The following HS3ST4 variants were observed in gnomAD, a reference collection of about 807,000 sequenced individuals.
HS3ST4 encodes heparan sulfate glucosamine 3-O-sulfotransferase 4.
Under a neutral mutation model 29.2 loss-of-function variants are expected in HS3ST4, and 17 were observed. The ratio of observed to expected loss-of-function variants is 0.58; its 90% CI spans 0.40 to 0.87. The LOEUF (loss-of-function observed/expected upper bound fraction) is 0.87. Among genes scored for constraint, HS3ST4 ranks in the 40% least tolerant of loss-of-function variants. HS3ST4 has a pLI of 0.00. For synonymous variants in HS3ST4, 314 were observed against 285.7 expected (o/e 1.10, Z -1.00); for missense variants, 627 against 634.5 (o/e 0.99, Z 0.13).
intron 1 of HS3ST4, among the ~76,000 whole-genome samples, chr16:26,058,555 T>C (rs1470320050): frequency 6.6e-6 from 1 of 152,126 alleles, no homozygotes; most frequent in African/African-American, 2.4e-5. Flanking sequence ...TGGATTGTGC[T>C]CTCTCCTGCC....
At chr16:26,053,505 C>T (rs1898369973) in intron 1 of HS3ST4, among the ~76,000 whole-genome samples, 1 of 152,124 alleles carries the variant, frequency 6.6e-6, no homozygotes, top group Admixed American at 6.5e-5. Flanking sequence ...GAATTAAGTT[C>T]AGAATGAAGG....
intron 1 of HS3ST4, among the ~76,000 whole-genome samples, chr16:25,906,061 G>A (rs1383851700): frequency 6.6e-6 from 1 of 152,184 alleles, no homozygotes; most frequent in Admixed American, 6.5e-5. Flanking sequence ...TTTTAAAATT[G>A]AGTTGACGTT....
intron 1 of HS3ST4, among the ~76,000 whole-genome samples, chr16:25,706,986 G>A (rs1344358845): frequency 6.6e-6 from 1 of 152,120 alleles, no homozygotes; most frequent in East Asian, 1.9e-4. Flanking sequence ...GAGTAGTGTG[G>A]TGACATCTTG....
At chr16:26,106,936 G>C (rs1315872479) in intron 1 of HS3ST4, among the ~76,000 whole-genome samples, 2 of 152,118 alleles carry the variant, frequency 1.3e-5, no homozygotes, top group Admixed American at 1.3e-4. Context: ...ACATCAGCAT[G>C]TGCTGTTCAC....
At chr16:25,857,972 C>CTTTCTTTCTTTCTTTG (rs1221917032) in intron 1 of HS3ST4, among the ~76,000 whole-genome samples, 1 of 40,590 alleles carries the variant, frequency 2.5e-5, no homozygotes, top group Non-Finnish European at 4.4e-5. Context: ...TTCTTTCTTT[C>CTTTCTTTCTTTCTTTG]TCTTTTCTGT....
At chr16:25,756,130 ACACACACACACACACACACACACG>A (rs1025866879) in intron 1 of HS3ST4, among the ~76,000 whole-genome samples, 1 of 54,200 alleles carries the variant, frequency 1.8e-5, no homozygotes, top group African/African-American at 7.4e-5. Flanking sequence ...ACACACATAC[ACACACACACACACACACACACACG>A]CACACACACA....
intron 1 of HS3ST4, among the ~76,000 whole-genome samples, chr16:26,026,974 A>C (rs1729869503): frequency 6.6e-6 from 1 of 152,238 alleles, no homozygotes; most frequent in South Asian, 2.1e-4. Context: ...CATAGGACTC[A>C]TGATAGACCT....
At chr16:25,853,314 A>G (rs201788677) in intron 1 of HS3ST4, among the ~76,000 whole-genome samples, 1,496 of 42,836 alleles carry the variant, frequency 0.035, 29 homozygotes, top group African/African-American at 0.1. Flanking sequence ...GTGTGTGTGT[A>G]TATATATATA....
At chr16:25,765,319 C>T (rs12325287) in intron 1 of HS3ST4, among the ~76,000 whole-genome samples, 57,534 of 152,028 alleles carry the variant, frequency 0.38, 12,729 homozygotes, top group Non-Finnish European at 0.51. Context: ...AATGCGGAGA[C>T]GCCGCTGGGA....
chr16:26,110,509 C>T (rs955855916), intron 1 of HS3ST4, among the ~76,000 whole-genome samples: 1 of 152,194 alleles, frequency 6.6e-6, no homozygotes, highest in Non-Finnish European at 1.5e-5. Context: ...GGCCTGATAC[C>T]TTGGAGTTAC....
rs546540503 is a variant in HS3ST4 at position 25,712,787 on chromosome 16, C to T, written c.734+19636C>T. On this transcript the variant is annotated intron_variant, in intron 1 of 1. Transcript: ENST00000331351. The stretch of plus-strand genomic sequence containing the variant: ...AAAAGAATCCCCAACAGAGTGTATT[C>T]GCTTGATAGGCTGCTGTAACAGAAC... Among the ~76,000 whole-genome samples the T allele has an allele frequency of 5.3e-5, 8 of 152,256 alleles. No homozygotes were observed. In the South Asian group the frequency reaches 8.3e-4, roughly 16 times the overall value.
chr16:25,712,392 A>G (rs1239413046), intron 1 of HS3ST4, among the ~76,000 whole-genome samples: 2 of 152,082 alleles, frequency 1.3e-5, no homozygotes, highest in Non-Finnish European at 2.9e-5. Flanking sequence ...GTGGTGGTGC[A>G]TGCCTTTAGT....
chr16:25,864,880 A>G (rs1967677428), intron 1 of HS3ST4, among the ~76,000 whole-genome samples: 1 of 150,992 alleles, frequency 6.6e-6, no homozygotes, highest in South Asian at 2.1e-4. Context: ...ATATATATAC[A>G]ATGGAATATA....
At chr16:25,767,722 G>A (rs1001980447) in intron 1 of HS3ST4, among the ~76,000 whole-genome samples, 1 of 152,092 alleles carries the variant, frequency 6.6e-6, no homozygotes, top group African/African-American at 2.4e-5. Context: ...CTGTGCTCGA[G>A]TACTCAGCCA....
intron 1 of HS3ST4, among the ~76,000 whole-genome samples, chr16:25,730,452 TCTTC>T (rs1265392093): frequency 3.1e-4 from 41 of 133,350 alleles, no homozygotes; most frequent in Non-Finnish European, 5.4e-4. Context: ...CTCTCTCCCT[TCTTC>T]CTTCCTTCCT....
intron 1 of HS3ST4, among the ~76,000 whole-genome samples, chr16:26,047,927 G>A (rs930951247): frequency 1.3e-5 from 2 of 152,120 alleles, no homozygotes; most frequent in African/African-American, 2.4e-5. Context: ...TGATGATGAG[G>A]GCACTCAGAG....
intron 1 of HS3ST4, among the ~76,000 whole-genome samples, chr16:25,801,529 C>T (rs1966934243): frequency 6.6e-6 from 1 of 152,108 alleles, no homozygotes; most frequent in African/African-American, 2.4e-5. Context: ...TAACTACTTG[C>T]TGTTTGCTGG....
intron 1 of HS3ST4, among the ~76,000 whole-genome samples, chr16:26,116,727 A>G (rs1899206435): frequency 6.6e-6 from 1 of 152,178 alleles, no homozygotes; most frequent in African/African-American, 2.4e-5. Context: ...ACATTTATTT[A>G]CTTATCTGCT....
At chr16:25,701,484 G>C (rs1966334285) in intron 1 of HS3ST4, among the ~76,000 whole-genome samples, 2 of 152,082 alleles carry the variant, frequency 1.3e-5, no homozygotes, top group Admixed American at 1.3e-4. Flanking sequence ...GGGTTCAAGG[G>C]TGCTATTTTT....
Sources: allele counts gnomAD v4.1 joint callset (sites outside exome capture counted in the v4.1 genomes callset), GRCh38; gene constraint gnomAD v4.1.1; transcripts MANE v1.5; gene names NCBI Gene and HGNC (gene_info 2026-07-23, HGNC 2026-07-21).